The following OR3A2 variants were observed in gnomAD, a reference collection of about 807,000 sequenced individuals.
OR3A2 encodes olfactory receptor 3A2.
For synonymous variants in OR3A2, 126 were observed against 159.3 expected (o/e 0.79, Z 1.57); for missense variants, 318 against 392.8 (o/e 0.81, Z 1.61).
intron 2 of OR3A2, among the ~76,000 whole-genome samples, chr17:3,356,986 G>A (rs888032366): frequency 6.6e-6 from 1 of 151,680 alleles, no homozygotes; most frequent in Admixed American, 6.6e-5. Flanking sequence ...AGAACTGGAA[G>A]CTTATCAGTT....
At chr17:3,316,849 A>C (rs553774704) in intron 3 of OR3A2, among the ~76,000 whole-genome samples, 3 of 152,356 alleles carry the variant, frequency 2.0e-5, no homozygotes, top group East Asian at 3.9e-4. Context: ...GTACAGTTGA[A>C]TGAAGAGAAC....
chr17:3,342,649 G>A (rs2049329039), intron 2 of OR3A2, among the ~76,000 whole-genome samples: 1 of 152,164 alleles, frequency 6.6e-6, no homozygotes, highest in African/African-American at 2.4e-5. Flanking sequence ...CCTTCCTCTG[G>A]AAGCTTCGTC....
chr17:3,385,414 TAGAC>T (rs2049769143), intron 1 of OR3A2, among the ~76,000 whole-genome samples: 2 of 152,082 alleles, frequency 1.3e-5, no homozygotes, highest in African/African-American at 4.8e-5. Flanking sequence ...ACAGATCACA[TAGAC>T]AGCAAAGACA....
chr17:3,359,024 A>T (rs1484245194), intron 2 of OR3A2, among the ~76,000 whole-genome samples: 1 of 151,706 alleles, frequency 6.6e-6, no homozygotes, highest in South Asian at 2.1e-4. Context: ...ACCCTTTACC[A>T]TTGTGTAGTG....
At chr17:3,326,693 TCCCTCCC>T (rs2049177593) in intron 3 of OR3A2, among the ~76,000 whole-genome samples, 1 of 111,948 alleles carries the variant, frequency 8.9e-6, no homozygotes, top group South Asian at 3.8e-4. Context: ...CCCAATGCTA[TCCCTCCC>T]CCCTCCCCCC....
chr17:3,292,674 T>C (rs1425631464), intron 3 of OR3A2: 2 of 1,147,190 alleles, frequency 1.7e-6, no homozygotes, highest in Admixed American at 2.7e-5. Flanking sequence ...CCCTTCTACT[T>C]GCCCGGCCCT....
intron 3 of OR3A2, among the ~76,000 whole-genome samples, chr17:3,319,383 T>G (rs1331526610): frequency 5.3e-5 from 8 of 152,096 alleles, no homozygotes; most frequent in Admixed American, 5.2e-4. Context: ...TTTTTTAAAT[T>G]TTATTATTAT....
intron 2 of OR3A2, among the ~76,000 whole-genome samples, chr17:3,346,838 A>G (rs2049368011): frequency 6.6e-6 from 1 of 152,196 alleles, no homozygotes; most frequent in African/African-American, 2.4e-5. Flanking sequence ...AAGGACCTCC[A>G]GTTCCATCCA....
intron 3 of OR3A2, among the ~76,000 whole-genome samples, chr17:3,303,709 C>G (rs1217659301): frequency 7.0e-6 from 1 of 143,554 alleles, no homozygotes; most frequent in Non-Finnish European, 1.5e-5. Context: ...CACACCACTG[C>G]ACTCCAGCCT....
chr17:3,380,948 G>A (rs1315079514), intron 2 of OR3A2, among the ~76,000 whole-genome samples: 1 of 152,178 alleles, frequency 6.6e-6, no homozygotes, highest in East Asian at 1.9e-4. Context: ...CAGTGTGTCT[G>A]GGAGCATCTA....
intron 2 of OR3A2, among the ~76,000 whole-genome samples, chr17:3,369,801 G>A (rs1282327924): frequency 2.5e-5 from 3 of 120,428 alleles, no homozygotes; most frequent in Non-Finnish European, 4.8e-5. Flanking sequence ...CCGTTAGATT[G>A]GTACTTTTTT....
chr17:3,365,796 T>C (rs1307704238), intron 2 of OR3A2, among the ~76,000 whole-genome samples: 1 of 152,226 alleles, frequency 6.6e-6, no homozygotes, highest in Non-Finnish European at 1.5e-5. Flanking sequence ...CAACGTGTCT[T>C]TGCCATCATT....
intron 2 of OR3A2, among the ~76,000 whole-genome samples, chr17:3,344,874 C>CAA (rs928056624): frequency 3.3e-5 from 5 of 152,136 alleles, no homozygotes; most frequent in African/African-American, 4.8e-5. Context: ...CCCTGTCTCC[C>CAA]AAAAGCCTGT....
At chr17:3,374,979 G>C (rs2049667218) in intron 2 of OR3A2, among the ~76,000 whole-genome samples, 1 of 151,558 alleles carries the variant, frequency 6.6e-6, no homozygotes, top group South Asian at 2.1e-4. Flanking sequence ...CTATTCCTGA[G>C]TTACTTAACT....
chr17:3,301,094 A>T (rs2048961924), intron 3 of OR3A2, among the ~76,000 whole-genome samples: 1 of 152,212 alleles, frequency 6.6e-6, no homozygotes, highest in Admixed American at 6.5e-5. Flanking sequence ...TCTATCACTG[A>T]TGGACATTTG....
At chr17:3,348,289 C>A (rs2049387097) in intron 2 of OR3A2, among the ~76,000 whole-genome samples, 1 of 152,084 alleles carries the variant, frequency 6.6e-6, no homozygotes, top group Admixed American at 6.6e-5. Flanking sequence ...GTTGCCATTG[C>A]TTTTGGTGTT....
Position 3,341,575 on chromosome 17 carries a change from A to C in OR3A2, c.-178-5449T>G, listed in dbSNP as rs561091117. 2.0e-5 allele frequency among the ~76,000 whole-genome samples: 3 copies of C among 152,270 alleles called. No individual in the cohort carries two copies. The East Asian group carries it at 5.8e-4, about 29-fold the overall frequency. ...TGGGTTGAAAATTCTTTTCTTTAAG[A>C]ATGTTGAATATTGGCCCCCACTCTC... On this transcript the variant is annotated intron_variant, in intron 2 of 4. Coordinates refer to the OR3A2 transcript ENST00000573491.
chr17:3,368,882 T>C (rs2049586512), intron 2 of OR3A2, among the ~76,000 whole-genome samples: 2 of 152,222 alleles, frequency 1.3e-5, no homozygotes, highest in Admixed American at 6.5e-5. Context: ...GGGATATGTT[T>C]CCGTTTCTTT....
At chr17:3,337,470 T>C (rs1016104032) in intron 2 of OR3A2, among the ~76,000 whole-genome samples, 1 of 150,582 alleles carries the variant, frequency 6.6e-6, no homozygotes, top group Non-Finnish European at 1.5e-5. Flanking sequence ...TTCCCCGCCC[T>C]GTGTCCAAGT....
Sources: gnomAD v4.1 joint callset for allele counts (sites outside exome capture counted in the v4.1 genomes callset) on GRCh38, gnomAD v4.1.1 for gene constraint, MANE v1.5 for transcripts, NCBI Gene and HGNC (gene_info 2026-07-23, HGNC 2026-07-21) for gene names.